The following MTUS1 variants were observed in gnomAD, a reference collection of about 807,000 sequenced individuals.
MTUS1 encodes microtubule associated scaffold protein 1, also known as microtubule-associated tumor suppressor 1.
In MTUS1, 109 loss-of-function variants were observed where a neutral mutation model predicts 120.8. That is an observed-to-expected ratio of 0.90 (90% CI 0.77 to 1.06). The LOEUF (loss-of-function observed/expected upper bound fraction) is 1.06, where lower values mean the gene tolerates loss of function less well. Among genes scored for constraint, MTUS1 ranks in the 50% least tolerant of loss-of-function variants. The pLI, the probability that MTUS1 is intolerant of heterozygous loss-of-function variation, is 0.00. For synonymous variants in MTUS1, 737 were observed against 550.5 expected, an observed-to-expected ratio of 1.34 and a Z score of -4.74; for missense variants, 2,210 against 1,486.3, an observed-to-expected ratio of 1.49 and a Z score of -8.01.
At chr8:17,695,267 T>A (rs1331121285) in intron 6 of MTUS1, among the ~76,000 whole-genome samples, 3 of 152,206 alleles carry the variant, frequency 2.0e-5, no homozygotes, top group Non-Finnish European at 4.4e-5. Context: ...ATCCCTGCTA[T>A]TCCTTGGATC....
chr8:17,746,054 G>A (rs1422757082), intron 2 of MTUS1, among the ~76,000 whole-genome samples: 1 of 152,166 alleles, frequency 6.6e-6, no homozygotes, highest in Non-Finnish European at 1.5e-5. Flanking sequence ...TTCCTGTACA[G>A]CCTGTGGAAC....
chr8:17,784,895 G>T lies in MTUS1; in HGVS notation c.-155+16166C>A, dbSNP rs150686084. On this transcript the variant is annotated intron_variant, in intron 1 of 14. Coordinates refer to ENST00000693296, the MANE Select transcript of MTUS1 (RefSeq NM_001363059.2). ...CGCCTCCCGGCTTCAAGTGATTCTCGGGCCTCAGCTGCCTGAGTAGCTGGG... is the reference window on the plus strand; with the variant it reads ...CGCCTCCCGGCTTCAAGTGATTCTCTGGCCTCAGCTGCCTGAGTAGCTGGG... 3.0e-3 allele frequency among the ~76,000 whole-genome samples: 462 copies of T among 151,724 alleles called. 5 individuals carry two copies. Among genetic ancestry groups the T allele is most frequent in the African/African-American group, 0.011 (437 of 41,386 alleles).
intron 6 of MTUS1, among the ~76,000 whole-genome samples, chr8:17,689,074 G>A (rs1054723132): frequency 2.0e-5 from 3 of 152,132 alleles, no homozygotes; most frequent in Admixed American, 2.0e-4. Context: ...AGCTGGGTGT[G>A]GTGGCACCTG....
chr8:17,758,555 T>C (rs2048799382), intron 1 of MTUS1, among the ~76,000 whole-genome samples: 4 of 152,244 alleles, frequency 2.6e-5, no homozygotes, highest in Admixed American at 2.6e-4. Flanking sequence ...ATAAAATACA[T>C]CCAAGCTAAA....
In MTUS1 at chr8:17,644,720, T is replaced by C. The variant is rs990770650; in HGVS notation, c.*1206A>G. 1 of 152,240 alleles carries C rather than the reference T, an allele frequency of 6.6e-6. No homozygotes were observed. The highest frequency in any genetic ancestry group is 1.9e-4 in the East Asian group (1 of 5,198). The allele number at this position is 152,240 out of a possible 1,614,324, so 9.4% of individuals were successfully genotyped here. ...CACTGAATCCTACCTTTCTTAATTA[T>C]ACTAGCCAATGACTTCCTTGTTCTC... On this transcript the variant is annotated 3_prime_UTR_variant, in exon 15 of 15. Transcript: ENST00000693296.
rs968143067 is a variant in MTUS1, at chr8:17,654,591, G to C, written c.3184C>G (p.Leu1062Val). The C allele has an allele frequency of 4.3e-6, 7 of 1,613,658 alleles. No homozygotes were observed. Among genetic ancestry groups the C allele is most frequent in the African/African-American group, 4.0e-5 (3 of 74,944 alleles). ...AGGGAGGCTTCATAGGCCTTCTTTA[G>C]CAATTCAAGTTTCTCTGAGTGGCTA... ...EASHSEKLEL[L>V]KKAYEASLSE... is the part of the protein sequence containing the mutation. The change falls in exon 10 of 15, where the codon CTA (leucine) becomes GTA (valine). Residue 1062 changes from leucine to valine, a missense_variant. Physicochemically the swap from Leu to Val is conservative, Grantham distance 32. Transcript: ENST00000693296.
At chr8:17,703,828 G>C (rs999495863) in intron 6 of MTUS1, among the ~76,000 whole-genome samples, 5 of 152,124 alleles carry the variant, frequency 3.3e-5, no homozygotes, top group African/African-American at 1.2e-4. Context: ...CTTATCAGGA[G>C]TTTCTGATTT....
chr8:17,645,776 G>T lies in MTUS1; in HGVS notation c.*150C>A. On this transcript the variant is annotated 3_prime_UTR_variant, in exon 15 of 15. Coordinates refer to ENST00000693296, the MANE Select transcript of MTUS1 (RefSeq NM_001363059.2). ...TTCCTCCAGAGTTCCAGTCTCAGAA[G>T]CTGCGATTCCGCCGGTGGTGACGCT... 1.0e-6 allele frequency: 1 copy of T among 992,046 alleles called. No individual in the cohort carries two copies. Among genetic ancestry groups the T allele is most frequent in the Non-Finnish European group, 1.4e-6 (1 of 722,988 alleles). 61.5% of individuals were successfully genotyped at this position (992,046 alleles called of 1,614,324 possible).
chr8:17,652,211 G>C (rs888774894), intron 12 of MTUS1, among the ~76,000 whole-genome samples: 5 of 152,178 alleles, frequency 3.3e-5, no homozygotes, highest in African/African-American at 1.2e-4. Context: ...TAAGGCTGGG[G>C]AAAAAGGACA....
At chr8:17,731,677 TAA>T (rs530628727) in intron 3 of MTUS1, among the ~76,000 whole-genome samples, 83 of 150,650 alleles carry the variant, frequency 5.5e-4, no homozygotes, top group African/African-American at 1.9e-3. Flanking sequence ...ATATGCAAAA[TAA>T]AAAGACATAA....
At chr8:17,757,081 T>G (rs1393226953) in intron 1 of MTUS1, among the ~76,000 whole-genome samples, 4 of 152,170 alleles carry the variant, frequency 2.6e-5, no homozygotes, top group African/African-American at 4.8e-5. Flanking sequence ...CATGGGAACT[T>G]GCACACAAAT....
At chr8:17,791,555 C>T (rs924080448) in intron 1 of MTUS1, among the ~76,000 whole-genome samples, 21 of 152,256 alleles carry the variant, frequency 1.4e-4, no homozygotes, top group African/African-American at 4.8e-4. Flanking sequence ...ACAGACTTTA[C>T]CAAAGATAAA....
chr8:17,742,291 GTT>G (rs1237059839), intron 3 of MTUS1, among the ~76,000 whole-genome samples: 3 of 94,698 alleles, frequency 3.2e-5, no homozygotes, highest in Admixed American at 1.4e-4. Flanking sequence ...TGTTGTTGTT[GTT>G]TTTTTTTTTT....
intron 1 of MTUS1, among the ~76,000 whole-genome samples, chr8:17,769,221 T>G (rs1021671983): frequency 3.0e-5 from 4 of 132,954 alleles, no homozygotes; most frequent in African/African-American, 8.4e-5. Flanking sequence ...TTCCAAAAAA[T>G]GCTTTTATTC....
chr8:17,774,971 TAAAAAAAAAAA>T (rs76567642), intron 1 of MTUS1, among the ~76,000 whole-genome samples: 2 of 96,980 alleles, frequency 2.1e-5, no homozygotes, highest in Admixed American at 1.3e-4. Flanking sequence ...ATATTATAAG[TAAAAAAAAAAA>T]AAAAAAAAAA....
chr8:17,757,107 TAGA>T (rs2048684895), intron 1 of MTUS1, among the ~76,000 whole-genome samples: 1 of 152,126 alleles, frequency 6.6e-6, no homozygotes, highest in Admixed American at 6.6e-5. Flanking sequence ...TGATTCTAAA[TAGA>T]AGCACTATTC....
At chr8:17,696,635 T>C (rs1449437044) in intron 6 of MTUS1, among the ~76,000 whole-genome samples, 2 of 152,228 alleles carry the variant, frequency 1.3e-5, no homozygotes, top group African/African-American at 4.8e-5. Flanking sequence ...AAATTTATTT[T>C]CATCTTAGGC....
intron 2 of MTUS1, among the ~76,000 whole-genome samples, chr8:17,747,463 T>C (rs62499719): frequency 0.076 from 11,619 of 152,164 alleles, 536 homozygotes; most frequent in Middle Eastern, 0.2. Flanking sequence ...ACTGTATTGA[T>C]AGAGGCAGGA....
intron 3 of MTUS1, among the ~76,000 whole-genome samples, chr8:17,736,563 C>G (rs1423520132): frequency 6.6e-6 from 1 of 151,862 alleles, no homozygotes; most frequent in Non-Finnish European, 1.5e-5. Flanking sequence ...TCCTTCACTG[C>G]TTTATTTTTA....
Sources: allele counts gnomAD v4.1 joint callset (sites outside exome capture counted in the v4.1 genomes callset), GRCh38; gene constraint gnomAD v4.1.1; transcripts MANE v1.5; gene names NCBI Gene and HGNC (gene_info 2026-07-23, HGNC 2026-07-21).